Variants in POLR1F observed in about 807,000 individuals in gnomAD.
The protein encoded by POLR1F is DNA-directed RNA polymerase I subunit RPA43.
Under a neutral mutation model 21.8 loss-of-function variants are expected in POLR1F, and 23 were observed. That is an observed-to-expected ratio of 1.05 (90% CI 0.76 to 1.49). The LOEUF (loss-of-function observed/expected upper bound fraction) is 1.49, where lower values mean the gene tolerates loss of function less well. Ranked by LOEUF, POLR1F falls within the 40% of genes most tolerant of loss-of-function variation. The pLI, the probability that POLR1F is intolerant of heterozygous loss-of-function variation, is 0.00. For synonymous variants in POLR1F, 162 were observed against 152.8 expected, an observed-to-expected ratio of 1.06 and a Z score of -0.45; for missense variants, 435 against 412.1, an observed-to-expected ratio of 1.06 and a Z score of -0.48.
chr7:19,702,028 C>T (rs1783452570), intron 2 of POLR1F, among the ~76,000 whole-genome samples: 1 of 152,106 alleles, frequency 6.6e-6, no homozygotes, highest in Non-Finnish European at 1.5e-5. Context: ...CAGACCCCCG[C>T]AGCTAATGCC....
At position 19,695,539 on chromosome 7, in the gene POLR1F, T is replaced by A. The variant is rs925129466; in HGVS notation, c.*2777A>T. 11 of 152,152 alleles carry A rather than the reference T, an allele frequency of 7.2e-5. No homozygotes were observed. Among genetic ancestry groups the A allele is most frequent in the Admixed American group, 2.6e-4 (4 of 15,270 alleles). 9.4% of individuals were successfully genotyped at this position (152,152 alleles called of 1,614,324 possible). A position where few individuals can be genotyped will look rare whatever the true frequency, so the allele number is the denominator to read the frequency against. The stretch of plus-strand genomic sequence containing the variant: ...TTTCATTATACAAAGGATTCACTGT[T>A]AAATACTATAGATATAGTTAAGGCA... On this transcript the variant is annotated 3_prime_UTR_variant, in exon 4 of 4. Transcript: ENST00000222567.
rs1158834167 is a variant in POLR1F at position 19,696,346 on chromosome 7, A to G, written c.*1970T>C. The G allele has an allele frequency of 6.6e-6, 1 of 152,128 alleles. No homozygotes were observed. The highest frequency in any genetic ancestry group is 2.4e-5 in the African/African-American group (1 of 41,448). 9.4% of individuals were successfully genotyped at this position (152,128 alleles called of 1,614,324 possible). On this transcript the variant is annotated 3_prime_UTR_variant, in exon 4 of 4. Coordinates refer to ENST00000222567, the MANE Select transcript of POLR1F (RefSeq NM_001002926.2). ...GCATGCCGTTCCCTGTTTAATTCAT[A>G]AAACACAACTGGCAGAAGTATTACT...
Position 19,708,901 on chromosome 7 carries a change from G to A in POLR1F, c.116C>T (p.Ala39Val), listed in dbSNP as rs1783577304. Residue 39 changes from alanine (A) to valine (V), a missense_variant, in exon 1 of 4, where the codon GCG becomes GTG. Ala to Val is a moderately conservative substitution (Grantham distance 64). Transcript: ENST00000222567. Reference sequence around the variant, plus strand: ...GCATGAGTAGCGACTGTTCACCAGCGCACAAGCAGCGGCATAAGTCGGCAA... The same window carrying A: ...GCATGAGTAGCGACTGTTCACCAGCACACAAGCAGCGGCATAAGTCGGCAA... Reference protein sequence around the residue: ...LELPTYAAACALVNSRYSCLV... With the variant: ...LELPTYAAACVLVNSRYSCLV... 5.0e-6 allele frequency: 8 copies of A among 1,614,070 alleles called. No individual in the cohort carries two copies. Among genetic ancestry groups the A allele is most frequent in the Non-Finnish European group, 6.8e-6 (8 of 1,179,966 alleles).
intron 3 of POLR1F, among the ~76,000 whole-genome samples, chr7:19,699,680 G>A (rs1783424938): frequency 6.6e-6 from 1 of 152,044 alleles, no homozygotes; most frequent in African/African-American, 2.4e-5. Flanking sequence ...TGGCACAGAA[G>A]ACAATAATCA....
intron 2 of POLR1F, among the ~76,000 whole-genome samples, chr7:19,701,664 C>G (rs1030426165): frequency 6.6e-6 from 1 of 152,112 alleles, no homozygotes; most frequent in East Asian, 1.9e-4. Flanking sequence ...AGAGGCTTCC[C>G]CAGTTAAGTC....
chr7:19,698,213 T>C lies in POLR1F; in HGVS notation c.*103A>G. On this transcript the variant is annotated 3_prime_UTR_variant, in exon 4 of 4. Transcript: ENST00000222567. ...ACTCCTAGTTAAGTATTTTCTGTTT[T>C]GTAAACTACTGGCATACTTAACCTT... is the stretch of plus-strand genomic sequence containing the variant. The C allele has an allele frequency of 9.1e-7, 1 of 1,095,814 alleles. No individual in the cohort carries two copies. 67.9% of individuals were successfully genotyped at this position (1,095,814 alleles called of 1,614,324 possible).
At position 19,697,219 on chromosome 7, in the gene POLR1F, TATTA is replaced by T. The variant is rs1783379868; in HGVS notation, c.*1093_*1096del. On this transcript the variant is annotated 3_prime_UTR_variant, in exon 4 of 4. Transcript: ENST00000222567. ...TTTTTTTCATACCACTTAATACAAT[TATTA>T]ATTTTCTTATTTATTGTGTGTATAT... 6.6e-6 allele frequency: 1 copy of T among 152,090 alleles called. No homozygotes were observed. Among genetic ancestry groups the T allele is most frequent in the Non-Finnish European group, 1.5e-5 (1 of 67,962 alleles). The allele number at this position is 152,090 out of a possible 1,614,324, so 9.4% of individuals were successfully genotyped here. A position where few individuals can be genotyped will look rare whatever the true frequency, so the allele number is the denominator to read the frequency against.
chr7:19,700,316 G>C, intron 2 of POLR1F, 36 bp from the exon 3 acceptor site: 2 of 1,529,808 alleles, frequency 1.3e-6, no homozygotes, highest in Non-Finnish European at 1.8e-6. Flanking sequence ...GTAACATAAA[G>C]AACACATCCA....
chr7:19,708,826 A>C lies in POLR1F; in HGVS notation c.191T>G (p.Leu64Arg). Residue 64 changes from leucine to arginine, a missense_variant, in exon 1 of 4, where the codon CTT becomes CGT. By Grantham distance (102) the Leu-to-Arg change is moderately radical (BLOSUM62 -2). Coordinates refer to ENST00000222567, the MANE Select transcript of POLR1F (RefSeq NM_001002926.2). The stretch of plus-strand genomic sequence containing the variant: ...TCGAATGCCGGTGCGTTTCCTGTTA[A>C]GGTAGCGGGGCGACAGCGCGATGTG... ...QRHIALSPRY[L>R]NRKRTGIREQ... The C allele has an allele frequency of 1.2e-6, 2 of 1,614,180 alleles. No individual in the cohort carries two copies. Among genetic ancestry groups the C allele is most frequent in the Non-Finnish European group, 1.7e-6 (2 of 1,180,002 alleles).
In POLR1F at chr7:19,700,203, A is replaced by C; in HGVS notation, c.474T>G (p.Pro158=). ...HGCFNASIPK[P]EQLSAEQWQT... is the part of the protein sequence containing the mutation. ...GCCACTGCTCAGCTGACAACTGCTC[A>C]GGTTTAGGAATGGAGGCATTGAAAC... The change falls in exon 3 of 4, where the codon CCT becomes CCG. Residue 158 remains proline, a synonymous_variant. Transcript: ENST00000222567. The C allele has an allele frequency of 6.2e-7, 1 of 1,613,962 alleles. No homozygotes were observed. Among genetic ancestry groups the C allele is most frequent in the Non-Finnish European group, 8.5e-7 (1 of 1,179,848 alleles).
At chr7:19,701,554 G>C (rs1583401538) in intron 2 of POLR1F, among the ~76,000 whole-genome samples, 1 of 152,286 alleles carries the variant, frequency 6.6e-6, no homozygotes, top group Non-Finnish European at 1.5e-5. Flanking sequence ...AACCTTTTTG[G>C]AAGGCCAAAA....
rs752098222 is a variant in POLR1F, at chr7:19,709,028, A to G, written c.-12T>C. On this transcript the variant is annotated 5_prime_UTR_variant, in exon 1 of 4. Transcript: ENST00000222567. The stretch of plus-strand genomic sequence containing the variant: ...CAACCTGCAGCCATGCTGCTTGTCA[A>G]GGTTCCCACGGCGCGCGCCGTTGAC... The G allele has an allele frequency of 7.1e-6, 11 of 1,558,772 alleles. No homozygotes were observed. The African/African-American group carries it at 1.1e-4, about 15-fold the overall frequency.
At chr7:19,706,492 A>G (rs781223922) in intron 1 of POLR1F, among the ~76,000 whole-genome samples, 3 of 152,228 alleles carry the variant, frequency 2.0e-5, no homozygotes, top group Admixed American at 6.5e-5. Flanking sequence ...GATACTAGTC[A>G]TGGTTATCAC....
At chr7:19,700,563 T>C (rs1783434882) in intron 2 of POLR1F, among the ~76,000 whole-genome samples, 1 of 152,086 alleles carries the variant, frequency 6.6e-6, no homozygotes, top group Non-Finnish European at 1.5e-5. Flanking sequence ...CTGGATAAAC[T>C]AACCTGCCCC....
chr7:19,698,871 T>G, intron 3 of POLR1F, 144 bp from the exon 4 acceptor site: 1 of 559,354 alleles, frequency 1.8e-6, no homozygotes, highest in Non-Finnish European at 2.8e-6. Context: ...ATTCCAAATA[T>G]TCTATCCTGT....
chr7:19,698,235 C>A lies in POLR1F; in HGVS notation c.*81G>T. 1 of 1,318,196 alleles carries A rather than the reference C, an allele frequency of 7.6e-7. No homozygotes were observed. The highest frequency in any genetic ancestry group is 3.1e-5 in the Admixed American group (1 of 32,314). 81.7% of individuals were successfully genotyped at this position (1,318,196 alleles called of 1,614,324 possible). A position where few individuals can be genotyped will look rare whatever the true frequency, so the allele number is the denominator to read the frequency against. On this transcript the variant is annotated 3_prime_UTR_variant, in exon 4 of 4. Transcript: ENST00000222567. ...TTTTGTAAACTACTGGCATACTTAA[C>A]CTTTTCATATCACTGAAAACATTTA...
rs1174743511 is a variant in POLR1F at position 19,708,867 on chromosome 7, G to C, written c.150C>G (p.Ala50=). Residue 50 remains alanine (A), a synonymous_variant, in exon 1 of 4, where the codon GCC becomes GCG. Coordinates refer to ENST00000222567, the MANE Select transcript of POLR1F (RefSeq NM_001002926.2). ...LVNSRYSCLV[A]GPHQRHIALS... is the part of the protein sequence containing the mutation. ...GCGCGATGTGCCTTTGGTGCGGCCC[G>C]GCCACCAGGCATGAGTAGCGACTGT... 2 of 1,614,074 alleles carry C rather than the reference G, an allele frequency of 1.2e-6. No individual in the cohort carries two copies. Among genetic ancestry groups the C allele is most frequent in the Admixed American group, 3.3e-5 (2 of 60,008 alleles).
chr7:19,700,395 G>T, intron 2 of POLR1F, 115 bp from the exon 3 acceptor site: 2 of 763,612 alleles, frequency 2.6e-6, no homozygotes, highest in South Asian at 1.8e-5. Flanking sequence ...TCAAATTAAT[G>T]GTCTAATTTA....
rs1783374287 is a variant in POLR1F, at chr7:19,696,983, C to G, written c.*1333G>C. On this transcript the variant is annotated 3_prime_UTR_variant, in exon 4 of 4. Coordinates refer to ENST00000222567, the MANE Select transcript of POLR1F (RefSeq NM_001002926.2). The stretch of plus-strand genomic sequence containing the variant: ...TCTACTTGTAGACAATTGTGAACAT[C>G]TGCCACTCTGCCAATTCTATATCCC... 6.6e-6 allele frequency: 1 copy of G among 152,066 alleles called. No homozygotes were observed. Among genetic ancestry groups the G allele is most frequent in the Non-Finnish European group, 1.5e-5 (1 of 67,940 alleles). The allele number at this position is 152,066 out of a possible 1,614,324, so 9.4% of individuals were successfully genotyped here.
Sources: allele counts gnomAD v4.1 joint callset (sites outside exome capture counted in the v4.1 genomes callset), GRCh38; gene constraint gnomAD v4.1.1; transcripts MANE v1.5; gene names NCBI Gene and HGNC (gene_info 2026-07-23, HGNC 2026-07-21).